The following ERBB4 variants were observed in gnomAD, a reference collection of about 807,000 sequenced individuals.
ERBB4 encodes receptor tyrosine-protein kinase erbB-4.
In ERBB4, 42 loss-of-function variants were observed where a neutral mutation model predicts 158.0. That is an observed-to-expected ratio of 0.27 (90% CI 0.21 to 0.34). ERBB4 has a LOEUF of 0.34. Among genes scored for constraint, ERBB4 ranks in the 10% least tolerant of loss-of-function variants. The pLI, the probability that ERBB4 is intolerant of heterozygous loss-of-function variation, is 1.00. For missense variants in ERBB4, 1,333 were observed against 1,624.1 expected, an observed-to-expected ratio of 0.82 and a Z score of 3.08; for synonymous variants, 583 against 558.7, an observed-to-expected ratio of 1.04 and a Z score of -0.61.
At chr2:211,549,088 T>C (rs1257936059) in intron 20 of ERBB4, among the ~76,000 whole-genome samples, 2 of 152,108 alleles carry the variant, frequency 1.3e-5, no homozygotes, top group African/African-American at 4.8e-5. Flanking sequence ...ATTATTAAAA[T>C]ATCAATTGAC....
Position 211,712,103 on chromosome 2 carries a change from T to C in ERBB4, c.1071A>G (p.Ile357Met), listed in dbSNP as rs767369850. 2 of 1,612,388 alleles carry C rather than the reference T, an allele frequency of 1.2e-6. No individual in the cohort carries two copies. The change falls in exon 9 of 28, where the codon ATA becomes ATG. Residue 357 changes from isoleucine to methionine, a missense_variant. By Grantham distance (10) the Ile-to-Met change is conservative. This residue lies in a region of ERBB4 where 438 missense variants were observed against 586.9 expected (regional missense o/e 0.75). Transcript: ENST00000342788. The part of the protein sequence containing the change: ...TVDSSNIDKF[I>M]NCTKINGNLI... Reference sequence around the variant, plus strand: ...AATTCCCATTGATCTTGGTACAGTTTATGAATTTGTCAATGTTACTGGAAT... The same window carrying C: ...AATTCCCATTGATCTTGGTACAGTTCATGAATTTGTCAATGTTACTGGAAT...
chr2:211,852,345 C>T (rs2077739514), intron 3 of ERBB4, among the ~76,000 whole-genome samples: 4 of 151,884 alleles, frequency 2.6e-5, no homozygotes, highest in Admixed American at 2.0e-4. Flanking sequence ...TGATAGTATG[C>T]TGAATCGGCA....
At chr2:211,861,135 T>TATTTTATATATATATATATATATATATAA (rs1559586139) in intron 3 of ERBB4, among the ~76,000 whole-genome samples, 2 of 55,144 alleles carry the variant, frequency 3.6e-5, no homozygotes, top group African/African-American at 1.4e-4. Context: ...TATATATATA[T>TATTTTATATATATATATATATATATATAA]ATATATATAT....
intron 1 of ERBB4, among the ~76,000 whole-genome samples, chr2:212,223,545 AT>A (rs2083375585): frequency 6.6e-6 from 1 of 151,098 alleles, no homozygotes; most frequent in South Asian, 2.1e-4. Context: ...GATAAAAATT[AT>A]TCACATGTTT....
chr2:211,713,653 T>TC lies in ERBB4; in HGVS notation c.884-6_884-5insG. 2 of 1,473,988 alleles carry TC rather than the reference T, an allele frequency of 1.4e-6. No individual in the cohort carries two copies. The highest frequency in any genetic ancestry group is 9.3e-7 in the Non-Finnish European group (1 of 1,078,416). The allele number at this position is 1,473,988 out of a possible 1,614,324, so 91.3% of individuals were successfully genotyped here. A position where few individuals can be genotyped will look rare whatever the true frequency, so the allele number is the denominator to read the frequency against. The stretch of plus-strand genomic sequence containing the variant: ...TGGAATCTACCACAAAGTTATCTGA[T>TC]TAAAAAAAAAAAAAAGGTAAAATAA... On this transcript the variant is annotated splice_polypyrimidine_tract_variant and splice_region_variant and intron_variant, in intron 7 of 27. Transcript: ENST00000342788.
chr2:211,770,809 GTTCT>G (rs1250752555), intron 4 of ERBB4, among the ~76,000 whole-genome samples: 1 of 152,112 alleles, frequency 6.6e-6, no homozygotes, highest in Non-Finnish European at 1.5e-5. Context: ...TAGAAATAGG[GTTCT>G]TTAAGTGCCT....
intron 1 of ERBB4, among the ~76,000 whole-genome samples, chr2:212,447,562 C>T (rs900863377): frequency 6.6e-6 from 1 of 152,068 alleles, no homozygotes; most frequent in African/African-American, 2.4e-5. Flanking sequence ...AGTGTCCATC[C>T]TGAACATTTT....
intron 20 of ERBB4, among the ~76,000 whole-genome samples, chr2:211,458,270 A>T (rs59473927): frequency 9.1e-4 from 131 of 143,498 alleles, no homozygotes; most frequent in African/African-American, 3.0e-3. Context: ...ACAATGAATA[A>T]TTTTTTTTTT....
chr2:212,481,079 A>T (rs926632158), intron 1 of ERBB4, among the ~76,000 whole-genome samples: 21 of 152,290 alleles, frequency 1.4e-4, no homozygotes, highest in African/African-American at 5.1e-4. Context: ...CAACACATAT[A>T]TACATATAAA....
At chr2:211,389,554 G>T (rs771298259) in intron 25 of ERBB4, among the ~76,000 whole-genome samples, 6 of 152,162 alleles carry the variant, frequency 3.9e-5, no homozygotes, top group Non-Finnish European at 8.8e-5. Context: ...AACTATGGTG[G>T]TATTAGAATA....
intron 21 of ERBB4, among the ~76,000 whole-genome samples, chr2:211,429,999 T>C (rs1017776183): frequency 2.1e-5 from 3 of 142,996 alleles, no homozygotes; most frequent in African/African-American, 7.8e-5. Context: ...CTCAGACTAC[T>C]GCAATTTGGT....
chr2:211,472,051 T>C (rs1223113583), intron 20 of ERBB4, among the ~76,000 whole-genome samples: 1 of 152,030 alleles, frequency 6.6e-6, no homozygotes, highest in Non-Finnish European at 1.5e-5. Context: ...ACTTTTAAGT[T>C]GACAAAAGAT....
At chr2:212,185,847 CT>C (rs1223483128) in intron 1 of ERBB4, among the ~76,000 whole-genome samples, 1 of 152,060 alleles carries the variant, frequency 6.6e-6, no homozygotes, top group African/African-American at 2.4e-5. Flanking sequence ...TTTCATTTCT[CT>C]TCATGCACAT....
intron 20 of ERBB4, among the ~76,000 whole-genome samples, chr2:211,456,180 C>T (rs925383347): frequency 5.3e-5 from 8 of 151,972 alleles, no homozygotes; most frequent in African/African-American, 1.7e-4. Flanking sequence ...TAAGTGATCC[C>T]GATAACTACC....
intron 17 of ERBB4, among the ~76,000 whole-genome samples, chr2:211,625,412 T>G (rs2069805018): frequency 6.6e-6 from 1 of 152,284 alleles, no homozygotes; most frequent in South Asian, 2.1e-4. Context: ...AGTGGAAGAT[T>G]CTTGATTGAA....
chr2:211,811,721 T>C (rs148952689), intron 3 of ERBB4, among the ~76,000 whole-genome samples: 171 of 152,302 alleles, frequency 1.1e-3, no homozygotes, highest in African/African-American at 3.9e-3. Context: ...TTCTTTTTAC[T>C]CTTTTTTTTT....
intron 2 of ERBB4, among the ~76,000 whole-genome samples, chr2:212,066,128 A>C (rs1251399051): frequency 6.6e-6 from 1 of 151,930 alleles, no homozygotes; most frequent in African/African-American, 2.4e-5. Context: ...TACTCATTCG[A>C]TTAGGCCTCG....
chr2:211,420,847 A>C (rs1377059728), intron 24 of ERBB4, among the ~76,000 whole-genome samples: 1 of 152,080 alleles, frequency 6.6e-6, no homozygotes, highest in African/African-American at 2.4e-5. Context: ...ATGCCATTAG[A>C]GAATAATAAA....
At chr2:211,808,054 ATT>A (rs2076660967) in intron 3 of ERBB4, among the ~76,000 whole-genome samples, 1 of 152,028 alleles carries the variant, frequency 6.6e-6, no homozygotes. Flanking sequence ...GATTGTAAAC[ATT>A]TTTTTCCCAT....
Sources: gnomAD v4.1 joint callset for allele counts (sites outside exome capture counted in the v4.1 genomes callset) on GRCh38, gnomAD v4.1.1 for gene constraint, gnomAD v4.1.1 regional missense constraint, MANE v1.5 for transcripts, NCBI Gene and HGNC (gene_info 2026-07-23, HGNC 2026-07-21) for gene names.